Variants in CAMK4 observed in about 807,000 individuals in gnomAD.
The protein encoded by CAMK4 is calcium/calmodulin-dependent protein kinase type IV.
Under a neutral mutation model 44.9 loss-of-function variants are expected in CAMK4, and 22 were observed. The observed-to-expected ratio is 0.49, with a 90% CI of 0.35 to 0.70. The LOEUF is 0.70. CAMK4 is among the 30% of genes least tolerant of loss of function. The pLI is 0.01. For synonymous variants in CAMK4, 218 were observed against 215.4 expected (o/e 1.01, Z -0.11); for missense variants, 498 against 586.8 (o/e 0.85, Z 1.56).
chr5:111,329,173 A>G (rs533386221), intron 1 of CAMK4, among the ~76,000 whole-genome samples: 114 of 152,054 alleles, frequency 7.5e-4, no homozygotes, highest in African/African-American at 2.5e-3. Flanking sequence ...GACAAAATTC[A>G]ACAACGCTTC....
intron 2 of CAMK4, among the ~76,000 whole-genome samples, chr5:111,360,229 A>C (rs1750534628): frequency 6.6e-6 from 1 of 152,070 alleles, no homozygotes; most frequent in Admixed American, 6.6e-5. Context: ...CTTTAGGGTG[A>C]AGATTGAGTT....
intron 2 of CAMK4, among the ~76,000 whole-genome samples, chr5:111,371,817 A>G (rs888878324): frequency 1.3e-5 from 2 of 152,210 alleles, no homozygotes. Flanking sequence ...AACCATTCAT[A>G]TTGGCTACAG....
intron 1 of CAMK4, among the ~76,000 whole-genome samples, chr5:111,321,532 C>T (rs1295010787): frequency 6.6e-6 from 1 of 152,106 alleles, no homozygotes; most frequent in Non-Finnish European, 1.5e-5. Context: ...GCCTAAGTCA[C>T]AGCTGGGAGA....
intron 4 of CAMK4, among the ~76,000 whole-genome samples, chr5:111,384,454 G>A (rs1418705769): frequency 6.6e-6 from 1 of 152,088 alleles, no homozygotes; most frequent in Non-Finnish European, 1.5e-5. Flanking sequence ...ACTCACCTGT[G>A]GCTTGAGCCA....
intron 7 of CAMK4, among the ~76,000 whole-genome samples, chr5:111,462,121 C>A (rs756109391): frequency 2.5e-4 from 38 of 152,150 alleles, no homozygotes; most frequent in Non-Finnish European, 4.3e-4. Flanking sequence ...CTTCTTCCTG[C>A]CACAGGGTCT....
intron 1 of CAMK4, among the ~76,000 whole-genome samples, chr5:111,337,994 C>T (rs943899847): frequency 1.3e-5 from 2 of 151,202 alleles, no homozygotes; most frequent in Admixed American, 6.6e-5. Flanking sequence ...GTAGTTGCAT[C>T]TTCATGTGAT....
At chr5:111,324,302 G>A (rs56128750) in intron 1 of CAMK4, among the ~76,000 whole-genome samples, 11,694 of 151,822 alleles carry the variant, frequency 0.077, 571 homozygotes, top group Non-Finnish European at 0.11. Context: ...TTATCTATAG[G>A]AGATGCACTT....
intron 1 of CAMK4, among the ~76,000 whole-genome samples, chr5:111,328,716 A>C (rs1435099410): frequency 1.3e-5 from 2 of 151,992 alleles, no homozygotes; most frequent in African/African-American, 2.4e-5. Flanking sequence ...CTCCTTGAAG[A>C]GGTCCTTCAC....
At chr5:111,363,050 T>C (rs1003581278) in intron 2 of CAMK4, among the ~76,000 whole-genome samples, 2 of 152,118 alleles carry the variant, frequency 1.3e-5, no homozygotes, top group African/African-American at 4.8e-5. Context: ...ATCTGGCAGC[T>C]ATAAAAGCTC....
chr5:111,262,864 GACTT>G (rs966130931), intron 1 of CAMK4, among the ~76,000 whole-genome samples: 10 of 152,116 alleles, frequency 6.6e-5, no homozygotes, highest in Non-Finnish European at 1.3e-4. Flanking sequence ...TCTTTCTTCT[GACTT>G]ACTATTTATT....
At position 111,482,656 on chromosome 5, in the gene CAMK4, CA is replaced by C. The variant is rs1474238871; in HGVS notation, c.829-127del. ...CTACAGTGGCCCCTGAGGACTTAAA[CA>C]ATTTTTTTCTCACATATATTTAGTG... is the stretch of plus-strand genomic sequence containing the variant. On this transcript the variant is annotated intron_variant, in intron 9 of 10. Transcript: ENST00000282356. The surrounding 1 kb of genome is among the most constrained non-coding windows in gnomAD (Gnocchi z 4.9). The C allele has an allele frequency of 1.8e-5, 13 of 720,022 alleles. No individual in the cohort carries two copies. The African/African-American group carries it at 2.4e-4, about 13-fold the overall frequency. 44.6% of individuals were successfully genotyped at this position (720,022 alleles called of 1,614,324 possible). A position where few individuals can be genotyped will look rare whatever the true frequency, so the allele number is the denominator to read the frequency against.
chr5:111,251,001 C>T (rs929733152), intron 1 of CAMK4, among the ~76,000 whole-genome samples: 3 of 152,170 alleles, frequency 2.0e-5, no homozygotes, highest in Non-Finnish European at 2.9e-5. Flanking sequence ...TGTGACTTTC[C>T]AGCCCAACAG....
intron 8 of CAMK4, among the ~76,000 whole-genome samples, chr5:111,476,302 T>C (rs1340858039): frequency 1.3e-5 from 2 of 151,258 alleles, no homozygotes; most frequent in Non-Finnish European, 1.5e-5. Context: ...TGTTTTGAGA[T>C]GAAGTCTTGC....
intron 2 of CAMK4, chr5:111,365,296 T>A (rs1453115743): frequency 1.3e-5 from 2 of 152,138 alleles, no homozygotes; most frequent in Non-Finnish European, 2.9e-5. Flanking sequence ...GTGTAATGTT[T>A]GAAATCAAGA....
rs144004700 is a variant in CAMK4, at chr5:111,309,240, C to T, written c.162-34784C>T. Among the ~76,000 whole-genome samples, 6 of 152,300 alleles carry T rather than the reference C, an allele frequency of 3.9e-5. No homozygotes were observed. In the East Asian group the frequency reaches 1.2e-3, roughly 29 times the overall value. On this transcript the variant is annotated intron_variant, in intron 1 of 10. Coordinates refer to ENST00000282356, the MANE Select transcript of CAMK4 (RefSeq NM_001744.6). Reference sequence around the variant, plus strand: ...GTAAGCATGTACACCAAACCAAATGCCTCCTGAAGGGACTTATCAATTCTG... The same window carrying T: ...GTAAGCATGTACACCAAACCAAATGTCTCCTGAAGGGACTTATCAATTCTG...
intron 2 of CAMK4, among the ~76,000 whole-genome samples, chr5:111,354,245 A>G (rs554605938): frequency 2.0e-5 from 3 of 152,212 alleles, no homozygotes; most frequent in Admixed American, 2.0e-4. Context: ...AAAAAGTTGA[A>G]CTCAGAGAGA....
At position 111,492,251 on chromosome 5, in the gene CAMK4, A is replaced by G. The variant is rs550026079; in HGVS notation, c.*7785A>G. ...AGGTCACAAATGAAATATTTAGTAG[A>G]AAGTGCAATATCAATTTATTAGGAG... is the stretch of plus-strand genomic sequence containing the variant. On this transcript the variant is annotated 3_prime_UTR_variant, in exon 11 of 11. Transcript: ENST00000282356. The G allele has an allele frequency of 1.8e-4, 28 of 152,360 alleles. No homozygotes were observed. Among genetic ancestry groups the G allele is most frequent in the Non-Finnish European group, 3.7e-4 (25 of 68,040 alleles). The allele number at this position is 152,360 out of a possible 1,614,324, so 9.4% of individuals were successfully genotyped here.
chr5:111,252,498 T>C (rs1749550142), intron 1 of CAMK4, among the ~76,000 whole-genome samples: 1 of 152,192 alleles, frequency 6.6e-6, no homozygotes, highest in African/African-American at 2.4e-5. Flanking sequence ...AATTTAAACA[T>C]ACTTTTGGGG....
At chr5:111,380,537 C>T (rs1283001304) in intron 4 of CAMK4, among the ~76,000 whole-genome samples, 8 of 152,126 alleles carry the variant, frequency 5.3e-5, no homozygotes, top group Admixed American at 5.2e-4. Flanking sequence ...TCAAAAGGCC[C>T]CAATGTGTGT....
Sources: allele counts gnomAD v4.1 joint callset (sites outside exome capture counted in the v4.1 genomes callset), GRCh38; gene constraint gnomAD v4.1.1; non-coding constraint Gnocchi (gnomAD v3.1); transcripts MANE v1.5; gene names NCBI Gene and HGNC (gene_info 2026-07-23, HGNC 2026-07-21).